The following TNIK variants were observed in gnomAD, a reference collection of about 807,000 sequenced individuals.
TNIK encodes the protein TRAF2 and NCK interacting kinase.
TNIK carries 49 observed loss-of-function variants against 191.3 expected under a neutral mutation model. The observed-to-expected ratio is 0.26, with a 90% CI of 0.20 to 0.32. The LOEUF (loss-of-function observed/expected upper bound fraction) is 0.32, where lower values mean the gene tolerates loss of function less well. Among genes scored for constraint, TNIK ranks in the 10% least tolerant of loss-of-function variants. The pLI is 1.00. For synonymous variants in TNIK, 594 were observed against 600.9 expected, an observed-to-expected ratio of 0.99 and a Z score of 0.17; for missense variants, 1,155 against 1,702.3, an observed-to-expected ratio of 0.68 and a Z score of 5.66.
chr3:171,243,563 G>T (rs545284080), intron 2 of TNIK, among the ~76,000 whole-genome samples: 19 of 152,182 alleles, frequency 1.2e-4, no homozygotes, highest in African/African-American at 4.3e-4. Context: ...TTAATTAAAA[G>T]TTAAATTCAT....
intron 23 of TNIK, 87 bp from the exon 24 acceptor site, chr3:171,087,593 G>A (rs747660973): frequency 1.6e-5 from 23 of 1,465,716 alleles, no homozygotes; most frequent in Middle Eastern, 2.4e-4. Flanking sequence ...ATAGGCATAC[G>A]GGGCTCCAAA....
chr3:171,207,341 C>A (rs1027413673), intron 4 of TNIK, among the ~76,000 whole-genome samples: 7 of 151,900 alleles, frequency 4.6e-5, no homozygotes, highest in Non-Finnish European at 7.4e-5. Context: ...CAACAATATA[C>A]AAATTCTTTT....
At chr3:171,075,766 T>C (rs1322035734) in intron 28 of TNIK, among the ~76,000 whole-genome samples, 2 of 151,388 alleles carry the variant, frequency 1.3e-5, no homozygotes, top group African/African-American at 4.9e-5. Context: ...AGATGGAGTC[T>C]CGTACTGTTG....
chr3:171,127,649 C>T (rs1052990986), intron 16 of TNIK, among the ~76,000 whole-genome samples: 11 of 151,982 alleles, frequency 7.2e-5, no homozygotes, highest in African/African-American at 2.7e-4. Context: ...ATAGAAATTC[C>T]TGTAAAAAAA....
At chr3:171,084,474 T>C in intron 25 of TNIK, 149 bp from the exon 26 acceptor site, 1 of 978,810 alleles carries the variant, frequency 1.0e-6, no homozygotes, top group South Asian at 2.0e-5. Context: ...TACACTTTTT[T>C]TTTGTTTTAG....
At chr3:171,279,925 G>C (rs1750230173) in intron 2 of TNIK, among the ~76,000 whole-genome samples, 1 of 152,044 alleles carries the variant, frequency 6.6e-6, no homozygotes, top group Non-Finnish European at 1.5e-5. Context: ...TACTCCCCCA[G>C]GTATCAGTAC....
chr3:171,171,378 G>A (rs888684331), intron 9 of TNIK, among the ~76,000 whole-genome samples: 5 of 151,946 alleles, frequency 3.3e-5, no homozygotes, highest in African/African-American at 9.7e-5. Flanking sequence ...AAATAACGGG[G>A]GTGATTTTTA....
intron 18 of TNIK, among the ~76,000 whole-genome samples, chr3:171,118,904 C>A (rs1231485348): frequency 2.0e-5 from 3 of 152,140 alleles, no homozygotes; most frequent in South Asian, 4.2e-4. Context: ...CTAAAACACC[C>A]AAAGCAATGG....
chr3:171,382,498 G>T (rs146592356), intron 1 of TNIK, among the ~76,000 whole-genome samples: 1,730 of 152,264 alleles, frequency 0.011, 17 homozygotes, highest in Non-Finnish European at 0.016. Context: ...TGGGATTATA[G>T]GCATGAGCCA....
At chr3:171,160,753 G>A (rs1733882040) in intron 11 of TNIK, among the ~76,000 whole-genome samples, 1 of 152,108 alleles carries the variant, frequency 6.6e-6, no homozygotes, top group African/African-American at 2.4e-5. Flanking sequence ...TGGCCCAAAA[G>A]TATTTGTTTG....
chr3:171,128,638 A>T, intron 16 of TNIK, 76 bp downstream of exon 16: 1 of 1,479,494 alleles, frequency 6.8e-7, no homozygotes, highest in Admixed American at 2.3e-5. Context: ...TCCATGTTAC[A>T]ATTCCCTAGG....
chr3:171,358,454 G>A lies in TNIK; in HGVS notation c.123+11166C>T, dbSNP rs565086582. Among the ~76,000 whole-genome samples, 88 of 152,224 alleles carry A rather than the reference G, an allele frequency of 5.8e-4. 1 individual carries two copies. The South Asian group carries it at 0.017, about 30-fold the overall frequency. On this transcript the variant is annotated intron_variant, in intron 2 of 32. Transcript: ENST00000436636. ...GTCTCTTGAGAGTTATTCACTACAC[G>A]AGAACAGTATGAGGGAAACTGCCCC... is the stretch of plus-strand genomic sequence containing the variant.
At chr3:171,354,026 C>T (rs962190167) in intron 2 of TNIK, among the ~76,000 whole-genome samples, 4 of 151,982 alleles carry the variant, frequency 2.6e-5, no homozygotes, top group Non-Finnish European at 5.9e-5. Context: ...CTTAAGACCA[C>T]ATTCATGTCT....
intron 1 of TNIK, among the ~76,000 whole-genome samples, chr3:171,383,183 G>A (rs1329193042): frequency 2.0e-5 from 3 of 152,176 alleles, no homozygotes; most frequent in Non-Finnish European, 4.4e-5. Context: ...AAAGCTGGCT[G>A]ATGATACAGG....
At chr3:171,396,198 T>C (rs1350057180) in intron 1 of TNIK, among the ~76,000 whole-genome samples, 1 of 150,042 alleles carries the variant, frequency 6.7e-6, no homozygotes, top group Non-Finnish European at 1.5e-5. Context: ...AAGAATGAAA[T>C]CATACAATAT....
At chr3:171,083,686 A>C (rs1720964965) in intron 26 of TNIK, among the ~76,000 whole-genome samples, 1 of 152,244 alleles carries the variant, frequency 6.6e-6, no homozygotes, top group Non-Finnish European at 1.5e-5. Context: ...AGTAATTCAC[A>C]AAAATACTCT....
At chr3:171,398,776 G>A (rs555599851) in intron 1 of TNIK, among the ~76,000 whole-genome samples, 25 of 152,304 alleles carry the variant, frequency 1.6e-4, no homozygotes, top group East Asian at 3.9e-4. Context: ...TTCCTTTGAC[G>A]TGTCATGTAA....
intron 2 of TNIK, among the ~76,000 whole-genome samples, chr3:171,321,257 T>G (rs962967872): frequency 2.0e-5 from 3 of 152,148 alleles, no homozygotes; most frequent in African/African-American, 7.2e-5. Flanking sequence ...AAAATAGATT[T>G]TCCCTTAAAT....
chr3:171,230,961 G>A (rs6787205), intron 2 of TNIK, among the ~76,000 whole-genome samples: 71,830 of 151,130 alleles, frequency 0.48, 17,211 homozygotes, highest in Middle Eastern at 0.6. Flanking sequence ...TCTGCCTCCC[G>A]ACTCCCCTCA....
Sources: allele counts gnomAD v4.1 joint callset (sites outside exome capture counted in the v4.1 genomes callset), GRCh38; gene constraint gnomAD v4.1.1; transcripts MANE v1.5; gene names NCBI Gene and HGNC (gene_info 2026-07-23, HGNC 2026-07-21).